SLC2A1: variants seen among roughly 807,000 people sequenced by gnomAD.
SLC2A1 encodes solute carrier family 2, facilitated glucose transporter member 1.
SLC2A1 carries 4 observed loss-of-function variants against 46.6 expected under a neutral mutation model. The observed-to-expected ratio is 0.09, with a 90% confidence interval of 0.04 to 0.20. SLC2A1 has a LOEUF of 0.20. SLC2A1 is among the 10% of genes least tolerant of loss of function. SLC2A1 has a pLI of 1.00. For synonymous variants in SLC2A1, 253 were observed against 270.0 expected, an observed-to-expected ratio of 0.94 and a Z score of 0.62; for missense variants, 352 against 667.0, an observed-to-expected ratio of 0.53 and a Z score of 5.20.
intron 1 of SLC2A1, among the ~76,000 whole-genome samples, chr1:42,957,573 G>GA (rs1643789299): frequency 6.6e-6 from 1 of 152,092 alleles, no homozygotes. Context: ...CGTTTCAAAA[G>GA]AAAAAGGGGA....
intron 2 of SLC2A1, among the ~76,000 whole-genome samples, chr1:42,935,529 G>A: frequency 6.6e-6 from 1 of 152,216 alleles, no homozygotes; most frequent in East Asian, 1.9e-4. Context: ...AAGAAAAGAA[G>A]TCACCACTTT....
rs140226378 is a variant in SLC2A1, at chr1:42,930,593, C to A, written c.516+33G>T. Reference sequence around the variant, plus strand: ...AGCCACTGAAGCTGTGGGCAGGGGCCGTGCCAGGCAGGTAGATCCTGCCCC... The same window carrying A: ...AGCCACTGAAGCTGTGGGCAGGGGCAGTGCCAGGCAGGTAGATCCTGCCCC... On this transcript the variant is annotated intron_variant, in intron 4 of 9. Transcript: ENST00000426263. This position sits in a 1 kb window ranked among gnomAD's most constrained non-coding sequence, Gnocchi z 6.2. The A allele has an allele frequency of 6.2e-7, 1 of 1,611,808 alleles. No homozygotes were observed. The highest frequency in any genetic ancestry group is 1.7e-5 in the Admixed American group (1 of 59,796).
Position 42,927,855 on chromosome 1 carries a change from G to T in SLC2A1, c.1075-47C>A. On this transcript the variant is annotated intron_variant, in intron 8 of 9. Transcript: ENST00000426263. The surrounding 1 kb of genome is among the most constrained non-coding windows in gnomAD (Gnocchi z 5.3). ...GGGAAAAGTTAGACTGGGTTGTGAT[G>T]GATCCTCAGGGGAAACAGAAGCTAC... 1 of 1,407,652 alleles carries T rather than the reference G, an allele frequency of 7.1e-7. No homozygotes were observed. The highest frequency in any genetic ancestry group is 9.9e-7 in the Non-Finnish European group (1 of 1,010,318). The allele number at this position is 1,407,652 out of a possible 1,614,324, so 87.2% of individuals were successfully genotyped here.
intron 1 of SLC2A1, among the ~76,000 whole-genome samples, chr1:42,949,161 T>C (rs1360822180): frequency 2.6e-5 from 4 of 151,600 alleles, no homozygotes; most frequent in Non-Finnish European, 4.4e-5. Context: ...GAGAATAGAA[T>C]CACTTTAACC....
At chr1:42,928,443 AT>A (rs1198809993) in intron 8 of SLC2A1, among the ~76,000 whole-genome samples, 3 of 152,104 alleles carry the variant, frequency 2.0e-5, no homozygotes, top group Non-Finnish European at 4.4e-5. Flanking sequence ...ACTGAGGTTG[AT>A]TCCTGGCTTC....
intron 2 of SLC2A1, 85 bp from the exon 3 acceptor site, chr1:42,931,291 A>G: frequency 7.3e-7 from 1 of 1,378,188 alleles, no homozygotes. Flanking sequence ...CCCCTCCCTA[A>G]GAGAGGGCCA....
rs892715050 is a variant in SLC2A1, at chr1:42,929,005, C to T, written c.1001G>A (p.Arg334Gln). Residue 334 changes from arginine (R) to glutamine (Q), a missense_variant, in exon 8 of 10, where the codon CGG (arginine) becomes CAG (glutamine). Transcript: ENST00000426263. The surrounding 1 kb of genome is among the most constrained non-coding windows in gnomAD (Gnocchi z 6.0). ...SLFVVERAGRRTLHLIGLAGM... is the reference protein window; with the variant it reads ...SLFVVERAGRQTLHLIGLAGM... ...AGCGAGGCCTATGAGGTGCAGGGTC[C>T]GCCGGCCTGCTCGCTCCACCACAAA... The T allele has an allele frequency of 1.1e-5, 18 of 1,613,488 alleles. No homozygotes were observed. Among genetic ancestry groups the T allele is most frequent in the Admixed American group, 6.7e-5 (4 of 59,998 alleles).
rs1326368803 is a variant in SLC2A1, at chr1:42,958,638, C to T, written c.14G>A (p.Ser5Asn). MEPS[S>N]KKLTGRLMLA... ...GCCCGCGGGCGCGCGACTCACCTTG[C>T]TGCTGGGCTCCATGGCAGCGCTGCG... is the stretch of plus-strand genomic sequence containing the variant. Residue 5 changes from serine (S) to asparagine (N), a missense_variant, in exon 1 of 10, where the codon AGC becomes AAC. By Grantham distance (46) the Ser-to-Asn change is conservative (BLOSUM62 1). This residue lies in a region of SLC2A1 where 97 missense variants were observed against 175.6 expected (regional missense o/e 0.55). Coordinates refer to ENST00000426263, the MANE Select transcript of SLC2A1 (RefSeq NM_006516.4). The T allele has an allele frequency of 1.0e-5, 16 of 1,532,212 alleles. 1 individual carries two copies. In the South Asian group the frequency reaches 1.7e-4, roughly 16 times the overall value. 94.9% of individuals were successfully genotyped at this position (1,532,212 alleles called of 1,614,324 possible). A position where few individuals can be genotyped will look rare whatever the true frequency, so the allele number is the denominator to read the frequency against.
chr1:42,930,221 C>T lies in SLC2A1; in HGVS notation c.517-186G>A, dbSNP rs1643474468. ...ATCGGTCACATGGGAAAAGTAGGACCTACCCCACAGTGTTGCTGGGAGGAC... is the reference window on the plus strand; with the variant it reads ...ATCGGTCACATGGGAAAAGTAGGACTTACCCCACAGTGTTGCTGGGAGGAC... On this transcript the variant is annotated intron_variant, in intron 4 of 9. Transcript: ENST00000426263. The surrounding 1 kb of genome is among the most constrained non-coding windows in gnomAD (Gnocchi z 6.2). The T allele has an allele frequency of 1.4e-6, 1 of 696,362 alleles. No individual in the cohort carries two copies. Among genetic ancestry groups the T allele is most frequent in the Middle Eastern group, 4.0e-4 (1 of 2,512 alleles). 43.1% of individuals were successfully genotyped at this position (696,362 alleles called of 1,614,324 possible).
intron 1 of SLC2A1, among the ~76,000 whole-genome samples, chr1:42,943,832 C>T (rs1643622669): frequency 6.6e-6 from 1 of 152,202 alleles, no homozygotes; most frequent in East Asian, 1.9e-4. Flanking sequence ...GGCTAAGTCC[C>T]CCATGTACCA....
chr1:42,942,781 T>C (rs527616404), intron 2 of SLC2A1, among the ~76,000 whole-genome samples: 1 of 152,046 alleles, frequency 6.6e-6, no homozygotes, highest in South Asian at 2.1e-4. Context: ...CTCTGGCCGT[T>C]TCCCACACCT....
Position 42,927,871 on chromosome 1 carries a change from C to A in SLC2A1, c.1075-63G>T. 7.9e-7 allele frequency: 1 copy of A among 1,259,912 alleles called. No individual in the cohort carries two copies. The allele number at this position is 1,259,912 out of a possible 1,614,324, so 78.0% of individuals were successfully genotyped here. Reference sequence around the variant, plus strand: ...GGTTGTGATGGATCCTCAGGGGAAACAGAAGCTACAGAGGCCAGAGCAGAG... The same window carrying A: ...GGTTGTGATGGATCCTCAGGGGAAAAAGAAGCTACAGAGGCCAGAGCAGAG... On this transcript the variant is annotated intron_variant, in intron 8 of 9. Transcript: ENST00000426263. This position sits in a 1 kb window ranked among gnomAD's most constrained non-coding sequence, Gnocchi z 5.3.
At chr1:42,958,018 C>A (rs1260641205) in intron 1 of SLC2A1, among the ~76,000 whole-genome samples, 1 of 152,204 alleles carries the variant, frequency 6.6e-6, no homozygotes, top group Non-Finnish European at 1.5e-5. Flanking sequence ...CGAGCCCGGG[C>A]CTGGAGAAAA....
chr1:42,928,912 T>C lies in SLC2A1; in HGVS notation c.1074+20A>G. On this transcript the variant is annotated intron_variant, in intron 8 of 9. Transcript: ENST00000426263. The stretch of plus-strand genomic sequence containing the variant: ...GCAAACTCTCCCGCATCCCTCACTC[T>C]CCAGAACCTAGCAACTCACCAGCAG... 6.2e-7 allele frequency: 1 copy of C among 1,608,000 alleles called. No homozygotes were observed. Among genetic ancestry groups the C allele is most frequent in the Non-Finnish European group, 8.5e-7 (1 of 1,174,822 alleles).
chr1:42,925,562 TGAA>T lies in SLC2A1; in HGVS notation c.*1476_*1478del, dbSNP rs1643416339. 6.6e-6 allele frequency: 1 copy of T among 151,852 alleles called. No individual in the cohort carries two copies. The highest frequency in any genetic ancestry group is 2.1e-4 in the South Asian group (1 of 4,810). 9.4% of individuals were successfully genotyped at this position (151,852 alleles called of 1,614,324 possible). On this transcript the variant is annotated 3_prime_UTR_variant, in exon 10 of 10. Coordinates refer to ENST00000426263, the MANE Select transcript of SLC2A1 (RefSeq NM_006516.4). ...ATGAAGTGCTCTGGAAATTCAGGGG[TGAA>T]GGAGGAGGATGAGCTGTCTTTAGAG...
Position 42,931,338 on chromosome 1 carries a change from G to C in SLC2A1, c.115-132C>G, listed in dbSNP as rs1030161791. ...TGCCACAGATTCACTGCATGTTCTTGAGCCAAGTCCCTCTATTTTTGTGGG... is the reference window on the plus strand; with the variant it reads ...TGCCACAGATTCACTGCATGTTCTTCAGCCAAGTCCCTCTATTTTTGTGGG... On this transcript the variant is annotated intron_variant, in intron 2 of 9. Coordinates refer to ENST00000426263, the MANE Select transcript of SLC2A1 (RefSeq NM_006516.4). 1.6e-5 allele frequency: 14 copies of C among 890,064 alleles called. No homozygotes were observed. The East Asian group carries it at 3.7e-4, about 24-fold the overall frequency. The allele number at this position is 890,064 out of a possible 1,614,324, so 55.1% of individuals were successfully genotyped here.
intron 2 of SLC2A1, among the ~76,000 whole-genome samples, chr1:42,932,207 C>T (rs1330421707): frequency 6.6e-6 from 1 of 152,138 alleles, no homozygotes; most frequent in Non-Finnish European, 1.5e-5. Context: ...AAAGGTTCCA[C>T]ACAAGGAAGC....
rs1570593803 is a variant in SLC2A1 at position 42,931,031 on chromosome 1, A to C, written c.275+15T>G. ...TGGGCCCTCCAAGGGCAGTGCCAGGACCTCTCCTACTTACCGGCCAAAGCG... is the reference window on the plus strand; with the variant it reads ...TGGGCCCTCCAAGGGCAGTGCCAGGCCCTCTCCTACTTACCGGCCAAAGCG... On this transcript the variant is annotated intron_variant, in intron 3 of 9. Transcript: ENST00000426263. 6.2e-7 allele frequency: 1 copy of C among 1,613,786 alleles called. No individual in the cohort carries two copies. Among genetic ancestry groups the C allele is most frequent in the Non-Finnish European group, 8.5e-7 (1 of 1,179,892 alleles).
intron 1 of SLC2A1, 65 bp from the exon 2 acceptor site, chr1:42,943,386 T>G: frequency 8.5e-7 from 1 of 1,174,814 alleles, no homozygotes; most frequent in Non-Finnish European, 1.3e-6. Flanking sequence ...GGGCAGGGCC[T>G]GGACTGGCAA....
Sources: allele counts gnomAD v4.1 joint callset (sites outside exome capture counted in the v4.1 genomes callset), GRCh38; gene constraint gnomAD v4.1.1; regional missense constraint gnomAD v4.1.1; non-coding constraint Gnocchi (gnomAD v3.1); transcripts MANE v1.5; gene names NCBI Gene and HGNC (gene_info 2026-07-23, HGNC 2026-07-21).